The following CEP63 variants were observed in gnomAD, a reference collection of about 807,000 sequenced individuals.
CEP63 encodes the protein centrosomal protein of 63 kDa.
CEP63 carries 84 observed loss-of-function variants against 89.1 expected under a neutral mutation model. That is an observed-to-expected ratio of 0.94 (90% confidence interval 0.79 to 1.13). The LOEUF is 1.13. CEP63 is among the 50% of genes most tolerant of loss of function. The pLI, the probability that CEP63 is intolerant of heterozygous loss-of-function variation, is 0.00. For synonymous variants in CEP63, 267 were observed against 272.5 expected (o/e 0.98, Z 0.20); for missense variants, 838 against 813.3 (o/e 1.03, Z -0.37).
chr3:134,677,983 C>T, the CEP63 span, among the ~76,000 whole-genome samples: 1 of 152,058 alleles, frequency 6.6e-6, no homozygotes, highest in South Asian at 2.1e-4. Flanking sequence ...CCTCCAGTTC[C>T]CCTTCTTGCA....
the CEP63 span, among the ~76,000 whole-genome samples, chr3:134,599,909 C>T: frequency 2.0e-5 from 3 of 152,054 alleles, no homozygotes; most frequent in Admixed American, 6.6e-5. Context: ...AAGAATGAAT[C>T]GATAATTACA....
chr3:134,581,521 C>T (rs1958346407), intron 10 of CEP63, among the ~76,000 whole-genome samples: 1 of 48 alleles, frequency 0.021, no homozygotes, highest in Non-Finnish European at 0.033. Flanking sequence ...CGGAGGTTGC[C>T]AGTGAGCCGA....
intron 14 of CEP63, 36 bp downstream of exon 14, chr3:134,559,465 T>A: frequency 6.3e-7 from 1 of 1,581,616 alleles, no homozygotes; most frequent in Non-Finnish European, 8.6e-7. Flanking sequence ...ATTTGTTAGT[T>A]TTTTAAGTTT....
chr3:134,754,614 A>G, the CEP63 span, among the ~76,000 whole-genome samples: 137 of 152,264 alleles, frequency 9.0e-4, no homozygotes, highest in African/African-American at 3.2e-3. Flanking sequence ...AACTGGGGTC[A>G]GGAGGGTGGG....
downstream of CEP63, among the ~76,000 whole-genome samples, chr3:134,569,133 G>C (rs4367113): frequency 1.3e-5 from 2 of 152,034 alleles, no homozygotes; most frequent in African/African-American, 4.8e-5. Flanking sequence ...CCCACAACAC[G>C]TGGGAATTCA....
the CEP63 span, among the ~76,000 whole-genome samples, chr3:134,701,479 TA>T: frequency 6.8e-6 from 1 of 147,484 alleles, no homozygotes; most frequent in Non-Finnish European, 1.5e-5. Context: ...CACACACACA[TA>T]TATATATACA....
chr3:134,774,270 A>G, the CEP63 span, among the ~76,000 whole-genome samples: 1 of 152,086 alleles, frequency 6.6e-6, no homozygotes, highest in African/African-American at 2.4e-5. Flanking sequence ...ATGCTCCTCT[A>G]CTATGCTCAG....
chr3:134,491,053 C>A (rs1220280605), intron 1 of CEP63, among the ~76,000 whole-genome samples: 24 of 152,140 alleles, frequency 1.6e-4, no homozygotes, highest in Admixed American at 1.6e-3. Context: ...TGTTGTTTTG[C>A]ATTTTTGCCA....
the CEP63 span, among the ~76,000 whole-genome samples, chr3:134,733,366 C>CAA: frequency 7.1e-6 from 1 of 141,614 alleles, no homozygotes; most frequent in African/African-American, 2.5e-5. Context: ...ACTTTAAAGA[C>CAA]AAAAAAAAAA....
At chr3:134,741,155 C>T in the CEP63 span, among the ~76,000 whole-genome samples, 1 of 152,170 alleles carries the variant, frequency 6.6e-6, no homozygotes, top group Non-Finnish European at 1.5e-5. Context: ...TTTCAGAGGA[C>T]TATTTCTGCC....
At chr3:134,573,969 C>T (rs1207434150) in intron 11 of CEP63, among the ~76,000 whole-genome samples, 2 of 152,180 alleles carry the variant, frequency 1.3e-5, no homozygotes, top group Non-Finnish European at 2.9e-5. Context: ...TGCTCTTCTC[C>T]TGGGTCTTCT....
the CEP63 span, among the ~76,000 whole-genome samples, chr3:134,703,877 CA>C: frequency 5.0e-3 from 757 of 152,284 alleles, 7 homozygotes; most frequent in African/African-American, 0.017. Flanking sequence ...ATTTGCCTGC[CA>C]AAGGCTTCTA....
chr3:134,603,573 C>T, the CEP63 span: 20 of 1,565,280 alleles, frequency 1.3e-5, no homozygotes, highest in South Asian at 4.8e-5. Context: ...GACCGGGGCA[C>T]AGCCCTCACT....
the CEP63 span, among the ~76,000 whole-genome samples, chr3:134,775,406 A>G: frequency 0.62 from 94,033 of 152,050 alleles, 31,718 homozygotes; most frequent in East Asian, 0.87. Context: ...AGCCTTTGGA[A>G]TCCCTACTTC....
chr3:134,526,979 C>T (rs938562707), intron 3 of CEP63, among the ~76,000 whole-genome samples: 1 of 152,150 alleles, frequency 6.6e-6, no homozygotes, highest in South Asian at 2.1e-4. Flanking sequence ...GAATCCACTG[C>T]ATTGGGGGGT....
intron 3 of CEP63, among the ~76,000 whole-genome samples, chr3:134,512,267 A>G (rs1043768457): frequency 1.3e-5 from 2 of 152,208 alleles, no homozygotes; most frequent in African/African-American, 4.8e-5. Flanking sequence ...TCACTAATAT[A>G]AGCAACTTGT....
the CEP63 span, among the ~76,000 whole-genome samples, chr3:134,598,413 A>G: frequency 6.6e-6 from 1 of 152,308 alleles, no homozygotes; most frequent in South Asian, 2.1e-4. Context: ...GCCTAATACC[A>G]ATTATGTCTT....
the CEP63 span, among the ~76,000 whole-genome samples, chr3:134,701,679 C>T: frequency 2.3e-3 from 355 of 152,034 alleles, 1 homozygote; most frequent in African/African-American, 8.3e-3. Context: ...GACAAGGATG[C>T]CCTTTCTCAC....
At chr3:134,650,679 G>T in the CEP63 span, 1 of 741,516 alleles carries the variant, frequency 1.3e-6, no homozygotes, top group Non-Finnish European at 2.1e-6. Context: ...GTGCCACTGC[G>T]GGGAAGCGAC....
Sources: allele counts gnomAD v4.1 joint callset (sites outside exome capture counted in the v4.1 genomes callset), GRCh38; gene constraint gnomAD v4.1.1; transcripts MANE v1.5; gene names NCBI Gene and HGNC (gene_info 2026-07-23, HGNC 2026-07-21).